Variants in GLT8D2 observed in about 807,000 individuals in gnomAD.
The protein encoded by GLT8D2 is glycosyltransferase 8 domain containing 2, also known as glycosyltransferase 8 domain-containing protein 2.
Under a neutral mutation model 44.5 loss-of-function variants are expected in GLT8D2, and 45 were observed. The ratio of observed to expected loss-of-function variants is 1.01; its 90% confidence interval spans 0.80 to 1.30. The LOEUF is 1.30. Among genes scored for constraint, GLT8D2 ranks in the 50% most tolerant of loss-of-function variants. The pLI, the probability that GLT8D2 is intolerant of heterozygous loss-of-function variation, is 0.00. For missense variants in GLT8D2, 400 were observed against 430.4 expected (o/e 0.93, Z 0.62); for synonymous variants, 156 against 157.2 (o/e 0.99, Z 0.06).
intron 1 of GLT8D2, among the ~76,000 whole-genome samples, chr12:104,039,426 A>C (rs1880295648): frequency 6.6e-6 from 1 of 152,258 alleles, no homozygotes; most frequent in African/African-American, 2.4e-5. Flanking sequence ...CAGAATCTAC[A>C]AAGAACTTAA....
At position 103,989,626 on chromosome 12, in the gene GLT8D2, T is replaced by G. The variant is rs762506232; in HGVS notation, c.881-49A>C. The G allele has an allele frequency of 5.6e-6, 8 of 1,437,908 alleles. No individual in the cohort carries two copies. In the Admixed American group the frequency reaches 1.5e-4, roughly 27 times the overall value. 89.1% of individuals were successfully genotyped at this position (1,437,908 alleles called of 1,614,324 possible). ...TAATAGGCTTGTTAGAGAATAACAT[T>G]TTTGTATTATAAATTGAATACAAGT... On this transcript the variant is annotated intron_variant, in intron 10 of 10. Transcript: ENST00000360814.
chr12:104,005,425 T>C (rs1043432153), intron 4 of GLT8D2, among the ~76,000 whole-genome samples: 15 of 152,090 alleles, frequency 9.9e-5, no homozygotes, highest in African/African-American at 3.4e-4. Flanking sequence ...CAAAAGAAAC[T>C]ACCATCAGAG....
chr12:104,050,610 A>G (rs1289587785), upstream of GLT8D2, among the ~76,000 whole-genome samples: 2 of 152,100 alleles, frequency 1.3e-5, no homozygotes, highest in Non-Finnish European at 2.9e-5. Context: ...AGCTGACCTC[A>G]ACAGCAATCT....
intron 10 of GLT8D2, among the ~76,000 whole-genome samples, chr12:103,989,834 T>C (rs1872496121): frequency 6.6e-6 from 1 of 152,074 alleles, no homozygotes; most frequent in African/African-American, 2.4e-5. Context: ...AGCATACTGC[T>C]ACCTTGCCTT....
intron 1 of GLT8D2, among the ~76,000 whole-genome samples, chr12:104,021,924 GA>G (rs1566202330): frequency 0.051 from 1,388 of 27,226 alleles, 77 homozygotes; most frequent in East Asian, 0.11. Flanking sequence ...AGAAGAAGAA[GA>G]AGAAGAAGAA....
chr12:104,031,485 A>G, intron 1 of GLT8D2: 1 of 1,613,406 alleles, frequency 6.2e-7, no homozygotes, highest in Non-Finnish European at 8.5e-7. Flanking sequence ...CTGGGGGATG[A>G]GGAGACGGTG....
intron 1 of GLT8D2, among the ~76,000 whole-genome samples, chr12:104,032,682 G>A (rs2629753): frequency 6.6e-6 from 1 of 152,064 alleles, no homozygotes; most frequent in South Asian, 2.1e-4. Flanking sequence ...TGATGATGCA[G>A]AGAAAAGGGA....
chr12:103,999,115 T>C (rs1397619160), intron 6 of GLT8D2, among the ~76,000 whole-genome samples: 1 of 152,180 alleles, frequency 6.6e-6, no homozygotes, highest in Non-Finnish European at 1.5e-5. Flanking sequence ...CTGGCCCTCC[T>C]CCAGCTCCCA....
chr12:104,036,724 C>T (rs1265151685), intron 1 of GLT8D2, among the ~76,000 whole-genome samples: 1 of 152,192 alleles, frequency 6.6e-6, no homozygotes, highest in Non-Finnish European at 1.5e-5. Context: ...GAGACTTTAA[C>T]ACCCCACTGT....
At chr12:104,002,134 A>T (rs904032211) in intron 5 of GLT8D2, among the ~76,000 whole-genome samples, 3 of 151,812 alleles carry the variant, frequency 2.0e-5, no homozygotes, top group Admixed American at 2.0e-4. Context: ...AATTTCTAAA[A>T]TTTTTAGTAG....
intron 5 of GLT8D2, 32 bp downstream of exon 5, chr12:104,003,101 CAG>C: frequency 6.4e-7 from 1 of 1,573,968 alleles, no homozygotes; most frequent in Non-Finnish European, 8.7e-7. Context: ...GGGAAGGAAA[CAG>C]AAAGTGCCAA....
intron 1 of GLT8D2, among the ~76,000 whole-genome samples, chr12:104,029,117 C>T (rs1878928757): frequency 6.6e-6 from 1 of 152,068 alleles, no homozygotes. Flanking sequence ...TAGTGAAACA[C>T]CATCTCTACT....
At position 103,993,422 on chromosome 12, in the gene GLT8D2, T is replaced by C; in HGVS notation, c.850A>G (p.Ile284Val). The C allele has an allele frequency of 6.2e-7, 1 of 1,614,020 alleles. No individual in the cohort carries two copies. The highest frequency in any genetic ancestry group is 1.1e-5 in the South Asian group (1 of 91,090). ...TGCCTTATGTGCCACAGGGGGTTAA[T>C]TGTGGAATATTTCCCATGAAACACA... Reference protein sequence around the residue: ...LIVFHGKYSTINPLWHIRHLG... With the variant: ...LIVFHGKYSTVNPLWHIRHLG... The change falls in exon 10 of 11, where the codon ATT becomes GTT. Residue 284 changes from isoleucine to valine, a missense_variant. Ile to Val is a conservative substitution (Grantham distance 29, BLOSUM62 3). Coordinates refer to ENST00000360814, the MANE Select transcript of GLT8D2 (RefSeq NM_001384711.1).
At chr12:104,057,595 C>T (rs1045298033) in intron 1 of GLT8D2, among the ~76,000 whole-genome samples, 3 of 150,438 alleles carry the variant, frequency 2.0e-5, no homozygotes, top group Admixed American at 6.6e-5. Context: ...ATTAGGTTTA[C>T]AATTTTTTCA....
chr12:104,005,126 C>T (rs1441767242), intron 4 of GLT8D2, among the ~76,000 whole-genome samples: 5 of 152,058 alleles, frequency 3.3e-5, no homozygotes, highest in Admixed American at 6.6e-5. Context: ...AAACAAGAAA[C>T]AGGGAAAGGA....
chr12:104,010,785 G>T (rs773742549), intron 4 of GLT8D2, among the ~76,000 whole-genome samples: 27 of 152,160 alleles, frequency 1.8e-4, no homozygotes, highest in Non-Finnish European at 2.9e-4. Context: ...CTGGCACTTT[G>T]GAAGTGCTTA....
chr12:104,012,133 G>C (rs1875911689), intron 4 of GLT8D2, among the ~76,000 whole-genome samples: 1 of 134,272 alleles, frequency 7.4e-6, no homozygotes, highest in Non-Finnish European at 1.5e-5. Context: ...TGGCACCATT[G>C]CACTCCAGCC....
chr12:104,019,283 A>G (rs957693966), intron 3 of GLT8D2, among the ~76,000 whole-genome samples: 39 of 152,002 alleles, frequency 2.6e-4, no homozygotes, highest in Admixed American at 2.6e-3. Flanking sequence ...GTCCGCCACC[A>G]TGCCTGGCTA....
In GLT8D2 at chr12:104,030,845, A is replaced by G; in HGVS notation, c.-163-9354T>C. 4 of 1,588,648 alleles carry G rather than the reference A, an allele frequency of 2.5e-6. No homozygotes were observed. The South Asian group carries it at 3.3e-5, about 13-fold the overall frequency. Reference sequence around the variant, plus strand: ...CGCATGGAACCTGGAGAACCGCTTCAGCGGCTGGTACGACGCCGACCTGAG... The same window carrying G: ...CGCATGGAACCTGGAGAACCGCTTCGGCGGCTGGTACGACGCCGACCTGAG... On this transcript the variant is annotated intron_variant, in intron 1 of 10. Coordinates refer to ENST00000360814, the MANE Select transcript of GLT8D2 (RefSeq NM_001384711.1).
Sources: allele counts gnomAD v4.1 joint callset (sites outside exome capture counted in the v4.1 genomes callset), GRCh38; gene constraint gnomAD v4.1.1; transcripts MANE v1.5; gene names NCBI Gene and HGNC (gene_info 2026-07-23, HGNC 2026-07-21).